The following C5 variants were observed in gnomAD, a reference collection of about 807,000 sequenced individuals.
The protein encoded by C5 is C3 and PZP-like alpha-2-macroglobulin domain-containing protein 4.
In C5, 140 loss-of-function variants were observed where a neutral mutation model predicts 218.8. The observed-to-expected ratio is 0.64, with a 90% CI of 0.56 to 0.74. The LOEUF (loss-of-function observed/expected upper bound fraction) is 0.74, where lower values mean the gene tolerates loss of function less well. Ranked by LOEUF, C5 falls within the 30% of genes least tolerant of loss-of-function variation. The probability of loss-of-function intolerance (pLI) is 0.00; values close to 1 mark genes in which losing one functional copy is unlikely to be tolerated. For synonymous variants in C5, 614 were observed against 682.3 expected (o/e 0.90, Z 1.56); for missense variants, 1,700 against 1,969.6 (o/e 0.86, Z 2.59).
upstream of C5, among the ~76,000 whole-genome samples, chr9:121,050,942 C>A (rs984656276): frequency 1.3e-5 from 2 of 151,996 alleles, no homozygotes; most frequent in Admixed American, 6.6e-5. Context: ...AAGGCATATA[C>A]CACTCGTTCA....
At chr9:120,995,658 G>T (rs2047110633) in intron 22 of C5, among the ~76,000 whole-genome samples, 1 of 151,922 alleles carries the variant, frequency 6.6e-6, no homozygotes, top group African/African-American at 2.4e-5. Flanking sequence ...TATTGTGATG[G>T]ATAGACAATG....
the C5 span, among the ~76,000 whole-genome samples, chr9:121,069,804 T>C: frequency 2.0e-5 from 3 of 152,044 alleles, no homozygotes; most frequent in Non-Finnish European, 4.4e-5. Context: ...GTGAGTCACC[T>C]TGCCCAGCCA....
rs1226920651 is a variant in C5, at chr9:121,000,370, AG to A, written c.2563-2597del. On this transcript the variant is annotated intron_variant, in intron 20 of 40. Coordinates refer to ENST00000223642, the MANE Select transcript of C5 (RefSeq NM_001735.3). The stretch of plus-strand genomic sequence containing the variant: ...CAACATCAAAAACGTTTGAAAAATA[AG>A]AATACCAGAGAGTACTTGCCTAATA... 7.9e-5 allele frequency among the ~76,000 whole-genome samples: 12 copies of A among 152,368 alleles called. No individual in the cohort carries two copies. The East Asian group carries it at 2.3e-3, about 29-fold the overall frequency.
chr9:121,010,196 T>A (rs1222642986), intron 17 of C5, among the ~76,000 whole-genome samples: 1 of 152,220 alleles, frequency 6.6e-6, no homozygotes, highest in African/African-American at 2.4e-5. Flanking sequence ...AGTCAAGTTA[T>A]CCTTGTATGC....
At chr9:121,047,629 T>C (rs1388368298) in intron 1 of C5, among the ~76,000 whole-genome samples, 1 of 152,184 alleles carries the variant, frequency 6.6e-6, no homozygotes, top group Non-Finnish European at 1.5e-5. Context: ...CATTGTGACA[T>C]TTTAAGAGTC....
chr9:121,018,543 C>T (rs1284204363), intron 12 of C5, among the ~76,000 whole-genome samples: 3 of 147,472 alleles, frequency 2.0e-5, no homozygotes. Flanking sequence ...CACTGCACTC[C>T]AGCTTGGGGG....
At chr9:121,070,386 T>C in the C5 span, among the ~76,000 whole-genome samples, 2 of 26,636 alleles carry the variant, frequency 7.5e-5, no homozygotes, top group African/African-American at 1.6e-4. Context: ...GGAAGGGTGA[T>C]ATATATATAT....
At chr9:121,064,108 T>C in the C5 span, among the ~76,000 whole-genome samples, 1 of 152,170 alleles carries the variant, frequency 6.6e-6, no homozygotes. Context: ...GTTCTTGTTG[T>C]TCTTTTTATT....
chr9:120,993,383 G>T (rs995512604), intron 22 of C5, among the ~76,000 whole-genome samples: 20 of 152,070 alleles, frequency 1.3e-4, no homozygotes, highest in Non-Finnish European at 2.6e-4. Flanking sequence ...GAAATTCTAT[G>T]TAAGAAAAAT....
At chr9:121,033,724 A>G (rs1381755223) in intron 5 of C5, among the ~76,000 whole-genome samples, 1 of 152,284 alleles carries the variant, frequency 6.6e-6, no homozygotes, top group Non-Finnish European at 1.5e-5. Context: ...TTAAATTTTT[A>G]GAAAAATTTC....
At chr9:120,953,304 C>T (rs576240486) in intron 40 of C5, among the ~76,000 whole-genome samples, 1 of 152,316 alleles carries the variant, frequency 6.6e-6, no homozygotes, top group East Asian at 1.9e-4. Flanking sequence ...ACCGGCCTCT[C>T]CTGGGGAGGG....
chr9:121,066,374 T>TA, the C5 span, among the ~76,000 whole-genome samples: 1 of 134,670 alleles, frequency 7.4e-6, no homozygotes, highest in Non-Finnish European at 1.6e-5. Context: ...GACTGAAAAT[T>TA]AAAAAAAAGA....
Position 121,021,706 on chromosome 9 carries a change from A to C in C5, c.1117-12T>G, listed in dbSNP as rs201760167. On this transcript the variant is annotated splice_polypyrimidine_tract_variant and intron_variant, in intron 10 of 40. Transcript: ENST00000223642. ...TCTTTAACCTGCACCTGTTTGTCAAAACAATCCAAATCTATTTCAACAGCT... is the reference window on the plus strand; with the variant it reads ...TCTTTAACCTGCACCTGTTTGTCAACACAATCCAAATCTATTTCAACAGCT... 62 of 1,608,828 alleles carry C rather than the reference A, an allele frequency of 3.9e-5. No homozygotes were observed. The highest frequency in any genetic ancestry group is 5.2e-5 in the Non-Finnish European group (61 of 1,175,168).
chr9:120,958,846 G>C (rs769404087), intron 38 of C5, among the ~76,000 whole-genome samples: 4 of 151,944 alleles, frequency 2.6e-5, no homozygotes, highest in Non-Finnish European at 5.9e-5. Flanking sequence ...ACTCAGGCTG[G>C]AGTGCAATGG....
chr9:120,976,184 G>A (rs1248977269), intron 29 of C5, among the ~76,000 whole-genome samples: 1 of 151,998 alleles, frequency 6.6e-6, no homozygotes, highest in Non-Finnish European at 1.5e-5. Context: ...TCTAAACTTT[G>A]AATATAAACA....
chr9:121,045,012 C>T (rs913079429), intron 2 of C5, among the ~76,000 whole-genome samples: 8 of 146,638 alleles, frequency 5.5e-5, no homozygotes, highest in African/African-American at 1.3e-4. Flanking sequence ...TGCAGTGGCG[C>T]GATCTTGGCT....
At chr9:120,954,002 T>C in intron 39 of C5, 134 bp from the exon 40 acceptor site, 1 of 884,242 alleles carries the variant, frequency 1.1e-6, no homozygotes, top group Non-Finnish European at 1.9e-6. Flanking sequence ...ATCCATGTGG[T>C]TAAGGCTTCA....
chr9:121,037,020 A>G (rs2047532121), intron 4 of C5, among the ~76,000 whole-genome samples: 1 of 152,028 alleles, frequency 6.6e-6, no homozygotes, highest in Admixed American at 6.6e-5. Flanking sequence ...GGTATGTGAC[A>G]CAAATTAGAT....
Position 120,971,913 on chromosome 9 carries a change from A to G in C5, c.4080+17T>C. 2 of 1,583,084 alleles carry G rather than the reference A, an allele frequency of 1.3e-6. No individual in the cohort carries two copies. Among genetic ancestry groups the G allele is most frequent in the Non-Finnish European group, 1.7e-6 (2 of 1,151,944 alleles). ...ATGGACACATAACTCGTTATTGGAT[A>G]TCAATTAAATACTTACATGTACTGT... is the stretch of plus-strand genomic sequence containing the variant. On this transcript the variant is annotated intron_variant, in intron 31 of 40. Transcript: ENST00000223642.
Sources: allele counts gnomAD v4.1 joint callset (sites outside exome capture counted in the v4.1 genomes callset), GRCh38; gene constraint gnomAD v4.1.1; transcripts MANE v1.5; gene names NCBI Gene and HGNC (gene_info 2026-07-23, HGNC 2026-07-21).